Variants in MAN1C1 observed in about 807,000 individuals in gnomAD.
MAN1C1 encodes mannosyl-oligosaccharide 1,2-alpha-mannosidase IC.
In MAN1C1, 49 loss-of-function variants were observed where a neutral mutation model predicts 71.5. The observed-to-expected ratio is 0.69, with a 90% CI of 0.54 to 0.87. The LOEUF (loss-of-function observed/expected upper bound fraction) is 0.87, where lower values mean the gene tolerates loss of function less well. MAN1C1 is among the 40% of genes least tolerant of loss of function. The probability of loss-of-function intolerance (pLI) is 0.00; values close to 1 mark genes in which losing one functional copy is unlikely to be tolerated. For missense variants in MAN1C1, 743 were observed against 835.0 expected (o/e 0.89, Z 1.36); for synonymous variants, 352 against 343.7 (o/e 1.02, Z -0.27).
intron 2 of MAN1C1, among the ~76,000 whole-genome samples, chr1:25,731,968 A>C (rs1274448853): frequency 1.3e-5 from 2 of 152,156 alleles, no homozygotes; most frequent in Non-Finnish European, 2.9e-5. Context: ...ATCTGGCAGG[A>C]TCTCTTCCTT....
At chr1:25,732,955 AG>A (rs1332670292) in intron 2 of MAN1C1, among the ~76,000 whole-genome samples, 1 of 152,154 alleles carries the variant, frequency 6.6e-6, no homozygotes. Context: ...ATCAATGCAT[AG>A]CTCTGTGTGG....
At chr1:25,674,550 G>T (rs2046037740) in intron 1 of MAN1C1, among the ~76,000 whole-genome samples, 1 of 152,210 alleles carries the variant, frequency 6.6e-6, no homozygotes, top group South Asian at 2.1e-4. Flanking sequence ...CTGAAGGGAA[G>T]ACCTCTCTTG....
In MAN1C1 at chr1:25,686,014, G is replaced by A. The variant is rs544746636; in HGVS notation, c.541-426G>A. Among the ~76,000 whole-genome samples, 16 of 152,310 alleles carry A rather than the reference G, an allele frequency of 1.1e-4. No homozygotes were observed. The East Asian group carries it at 1.2e-3, about 11-fold the overall frequency. On this transcript the variant is annotated intron_variant, in intron 1 of 11. Coordinates refer to ENST00000374332, the MANE Select transcript of MAN1C1 (RefSeq NM_020379.4). ...ATGAGTTACCTCATGTCTACAACCC[G>A]TCTCCTTAGCTATAAAATGGGTTAA... is the stretch of plus-strand genomic sequence containing the variant.
In MAN1C1 at chr1:25,775,252, C is replaced by T. The variant is rs551491314; in HGVS notation, c.1258-2853C>T. On this transcript the variant is annotated intron_variant, in intron 8 of 11. Transcript: ENST00000374332. The surrounding 1 kb of genome is among the most constrained non-coding windows in gnomAD (Gnocchi z 5.1). ...CAGCTGCCAGGGACATGGCTCTGCC[C>T]GGGAGCCAGGCCGGGCCCAGAGCAG... Among the ~76,000 whole-genome samples, 1 of 152,340 alleles carries T rather than the reference C, an allele frequency of 6.6e-6. No homozygotes were observed. Among genetic ancestry groups the T allele is most frequent in the East Asian group, 1.9e-4 (1 of 5,182 alleles).
At chr1:25,716,107 C>T (rs1467616178) in intron 2 of MAN1C1, among the ~76,000 whole-genome samples, 1 of 152,198 alleles carries the variant, frequency 6.6e-6, no homozygotes, top group East Asian at 1.9e-4. Flanking sequence ...ACATGCAGCA[C>T]TTCAACTGAA....
At chr1:25,700,675 A>T (rs747389875) in intron 2 of MAN1C1, among the ~76,000 whole-genome samples, 2 of 152,254 alleles carry the variant, frequency 1.3e-5, no homozygotes, top group Non-Finnish European at 2.9e-5. Context: ...AAGTGTCTTC[A>T]TAAAGTTCCC....
intron 1 of MAN1C1, among the ~76,000 whole-genome samples, chr1:25,640,796 A>G (rs1034871419): frequency 1.3e-5 from 2 of 152,212 alleles, no homozygotes; most frequent in African/African-American, 4.8e-5. Flanking sequence ...TAACTTCCCT[A>G]TAATCATGCT....
rs35048799 is a variant in MAN1C1 at position 25,679,558 on chromosome 1, T to TAA, written c.541-6868_541-6867dup. Among the ~76,000 whole-genome samples the TAA allele has an allele frequency of 7.4e-5, 10 of 135,176 alleles. No individual in the cohort carries two copies. In the East Asian group the frequency reaches 1.7e-3, roughly 23 times the overall value. 88.7% of individuals were successfully genotyped at this position (135,176 alleles called of 152,430 possible). A position where few individuals can be genotyped will look rare whatever the true frequency, so the allele number is the denominator to read the frequency against. ...CTCCAGTAAAATTTCCTAAATGAGTTAAAAAAAAAAAAAAAGGCATTTCAG... is the reference window on the plus strand; with the variant it reads ...CTCCAGTAAAATTTCCTAAATGAGTTAAAAAAAAAAAAAAAAAGGCATTTCAG... On this transcript the variant is annotated intron_variant, in intron 1 of 11. Transcript: ENST00000374332.
intron 1 of MAN1C1, among the ~76,000 whole-genome samples, chr1:25,629,838 G>T (rs2045353775): frequency 6.6e-6 from 1 of 151,472 alleles, no homozygotes; most frequent in African/African-American, 2.4e-5. Context: ...TATGTGCATT[G>T]TCTTTTTACT....
Position 25,778,182 on chromosome 1 carries a change from C to T in MAN1C1, c.1335C>T (p.Asp445=). 3 of 1,612,462 alleles carry T rather than the reference C, an allele frequency of 1.9e-6. No homozygotes were observed. Among genetic ancestry groups the T allele is most frequent in the African/African-American group, 1.3e-5 (1 of 74,938 alleles). ...YIAEWRGGIL[D]HKMGHLACFS... ...CCGAGTGGCGAGGGGGGATTCTGGA[C>T]CACAAGATGGGGCACCTGGCCTGTT... is the stretch of plus-strand genomic sequence containing the variant. The change falls in exon 9 of 12, where the codon GAC becomes GAT. Residue 445 remains aspartate, a synonymous_variant. Transcript: ENST00000374332. This position sits in a 1 kb window ranked among gnomAD's most constrained non-coding sequence, Gnocchi z 5.5.
intron 2 of MAN1C1, among the ~76,000 whole-genome samples, chr1:25,719,008 C>G (rs974399425): frequency 6.6e-6 from 1 of 150,750 alleles, no homozygotes; most frequent in Non-Finnish European, 1.5e-5. Context: ...ACATTCCTAT[C>G]AGTAATATAT....
chr1:25,708,004 A>G (rs1465844845), intron 2 of MAN1C1, among the ~76,000 whole-genome samples: 2 of 152,226 alleles, frequency 1.3e-5, no homozygotes, highest in Non-Finnish European at 2.9e-5. Flanking sequence ...GTTCCCAGAA[A>G]GGGGTCCCAA....
At chr1:25,712,227 C>T (rs932942107) in intron 2 of MAN1C1, among the ~76,000 whole-genome samples, 8 of 152,222 alleles carry the variant, frequency 5.3e-5, no homozygotes, top group African/African-American at 1.9e-4. Flanking sequence ...GGCAGGGGAG[C>T]TCTTTTGTCT....
At chr1:25,671,447 A>G (rs1227379108) in intron 1 of MAN1C1, among the ~76,000 whole-genome samples, 1 of 152,212 alleles carries the variant, frequency 6.6e-6, no homozygotes, top group Non-Finnish European at 1.5e-5. Context: ...AGAGGGGAAT[A>G]GGTTCCAGCA....
chr1:25,655,775 TG>T (rs2045755538), intron 1 of MAN1C1, among the ~76,000 whole-genome samples: 1 of 152,204 alleles, frequency 6.6e-6, no homozygotes. Context: ...GGACTTGTTC[TG>T]GGGGTTAATA....
At chr1:25,727,812 C>T (rs894316252) in intron 2 of MAN1C1, among the ~76,000 whole-genome samples, 1 of 152,220 alleles carries the variant, frequency 6.6e-6, no homozygotes, top group Non-Finnish European at 1.5e-5. Flanking sequence ...GACAAGCTGG[C>T]AGATTGCCCA....
chr1:25,642,727 T>G (rs1234212937), intron 1 of MAN1C1, among the ~76,000 whole-genome samples: 1 of 152,216 alleles, frequency 6.6e-6, no homozygotes, highest in Non-Finnish European at 1.5e-5. Flanking sequence ...GGGGTGGACA[T>G]TTAGCCTAAG....
intron 1 of MAN1C1, among the ~76,000 whole-genome samples, chr1:25,666,603 G>A (rs1295742448): frequency 1.3e-5 from 2 of 152,092 alleles, no homozygotes; most frequent in Non-Finnish European, 2.9e-5. Flanking sequence ...AACAGCAGCT[G>A]GAAAGGACCC....
chr1:25,670,883 A>C (rs187990620), intron 1 of MAN1C1, among the ~76,000 whole-genome samples: 2 of 152,214 alleles, frequency 1.3e-5, no homozygotes, highest in East Asian at 1.9e-4. Context: ...TGCCTCTGCC[A>C]CTACTTTTTT....
Sources: gnomAD v4.1 joint callset for allele counts (sites outside exome capture counted in the v4.1 genomes callset) on GRCh38, gnomAD v4.1.1 for gene constraint, Gnocchi (gnomAD v3.1) non-coding constraint, MANE v1.5 for transcripts, NCBI Gene and HGNC (gene_info 2026-07-23, HGNC 2026-07-21) for gene names.